Variants in CCZ1B observed in about 807,000 individuals in gnomAD.
The protein encoded by CCZ1B is CCZ1B vacuolar protein trafficking and biogenesis associated, also known as vacuolar fusion protein CCZ1 homolog B.
A neutral mutation model predicts 58.8 loss-of-function variants in CCZ1B; 25 were observed. The ratio of observed to expected loss-of-function variants is 0.43; its 90% confidence interval spans 0.31 to 0.59. CCZ1B has a LOEUF of 0.59. CCZ1B is among the 20% of genes least tolerant of loss of function. The pLI, the probability that CCZ1B is intolerant of heterozygous loss-of-function variation, is 0.12. For synonymous variants in CCZ1B, 66 were observed against 173.2 expected (o/e 0.38, Z 4.86); for missense variants, 180 against 501.5 (o/e 0.36, Z 6.12).
intron 8 of CCZ1B, among the ~76,000 whole-genome samples, chr7:6,814,309 G>A (rs946992922): frequency 2.7e-5 from 4 of 148,334 alleles, no homozygotes; most frequent in African/African-American, 1.0e-4. Flanking sequence ...GGCCAAGGTG[G>A]GCAGATCACA....
Position 6,811,961 on chromosome 7 carries a change from G to A in CCZ1B, c.945C>T (p.Ile315=), listed in dbSNP as rs375765168. The part of the protein sequence containing the change: ...TDDTYEELHL[I]VYKAMSAAVC... ...GGAAAACAGTTGTTACCTTATAAAC[G>A]ATTAAATGGAGCTCTTCATAAGTGT... The change falls in exon 10 of 15, where the codon ATC becomes ATT. Residue 315 remains isoleucine, a synonymous_variant. Coordinates refer to ENST00000316731, the MANE Select transcript of CCZ1B (RefSeq NM_198097.5). 3.9e-5 allele frequency: 62 copies of A among 1,578,532 alleles called. 2 individuals are homozygous for A. Among genetic ancestry groups the A allele is most frequent in the Non-Finnish European group, 4.6e-5 (53 of 1,161,996 alleles).
At chr7:6,821,659 G>T (rs1312951623) in intron 6 of CCZ1B, among the ~76,000 whole-genome samples, 3 of 151,698 alleles carry the variant, frequency 2.0e-5, no homozygotes, top group African/African-American at 7.3e-5. Flanking sequence ...AGGCCAAGGA[G>T]GGAAGATCGC....
intron 5 of CCZ1B, 97 bp downstream of exon 5, chr7:6,823,216 T>G: frequency 6.6e-7 from 1 of 1,510,672 alleles, no homozygotes; most frequent in East Asian, 2.3e-5. Context: ...ACAGAGTCAC[T>G]TTGCAGTCAT....
intron 7 of CCZ1B, among the ~76,000 whole-genome samples, chr7:6,818,365 A>G (rs1425465901): frequency 1.3e-5 from 2 of 149,530 alleles, no homozygotes; most frequent in Non-Finnish European, 3.0e-5. Flanking sequence ...CCTGGCCAAC[A>G]TGGTAAAACC....
chr7:6,808,267 A>T (rs1689060498), intron 10 of CCZ1B, among the ~76,000 whole-genome samples: 1 of 123,928 alleles, frequency 8.1e-6, no homozygotes, highest in African/African-American at 2.7e-5. Context: ...CACTCCACAG[A>T]CACAGCCACA....
At chr7:6,804,097 AC>A (rs1782801099) in intron 12 of CCZ1B, among the ~76,000 whole-genome samples, 1 of 151,092 alleles carries the variant, frequency 6.6e-6, no homozygotes, top group Admixed American at 6.7e-5. Context: ...CCATCGCCTC[AC>A]TTTCACTTTA....
intron 8 of CCZ1B, among the ~76,000 whole-genome samples, chr7:6,813,944 G>C (rs1156572675): frequency 2.0e-5 from 3 of 148,644 alleles, no homozygotes; most frequent in Non-Finnish European, 4.4e-5. Flanking sequence ...TCAGGAGTTC[G>C]AGACCAGCCT....
chr7:6,816,134 G>C (rs1272754171), intron 7 of CCZ1B, among the ~76,000 whole-genome samples: 3 of 147,502 alleles, frequency 2.0e-5, no homozygotes, highest in Non-Finnish European at 4.5e-5. Context: ...TTTTTAAAAG[G>C]AGACAGACAA....
rs1782975594 is a variant in CCZ1B at position 6,814,862 on chromosome 7, G to C, written c.699-17C>G. ...AATCCACTCCTGCAACAACAGAAAA[G>C]CACTGGGTTAAACGTTTCGAACTGT... is the stretch of plus-strand genomic sequence containing the variant. On this transcript the variant is annotated splice_polypyrimidine_tract_variant and intron_variant, in intron 7 of 14. Coordinates refer to ENST00000316731, the MANE Select transcript of CCZ1B (RefSeq NM_198097.5). 1 of 1,566,302 alleles carries C rather than the reference G, an allele frequency of 6.4e-7. No homozygotes were observed. Among genetic ancestry groups the C allele is most frequent in the Admixed American group, 1.7e-5 (1 of 57,622 alleles).
intron 9 of CCZ1B, chr7:6,812,407 T>C: frequency 3.1e-6 from 1 of 324,100 alleles, no homozygotes; most frequent in South Asian, 2.7e-5. Context: ...GGGAATTGCT[T>C]GAACCCAGGA....
At chr7:6,823,398 G>A (rs372059507) in intron 4 of CCZ1B, 38 bp from the exon 5 acceptor site, 34 of 1,604,364 alleles carry the variant, frequency 2.1e-5, no homozygotes, top group African/African-American at 4.1e-5. Flanking sequence ...CTCAGTTCAA[G>A]GGAAAAACAA....
chr7:6,823,515 C>CTTTT lies in CCZ1B; in HGVS notation c.391-159_391-156dup, dbSNP rs897480782. On this transcript the variant is annotated intron_variant, in intron 4 of 14. Transcript: ENST00000316731. ...CGTGCTGAAAAAAAGTGTTTGCGTT[C>CTTTT]TTTTTTTTTTTTTTTTTTTTTGAGA... 0.011 allele frequency among the ~76,000 whole-genome samples: 1,174 copies of CTTTT among 104,740 alleles called. 25 individuals carry two copies. In the East Asian group the frequency reaches 0.12, roughly 11 times the overall value. The allele number at this position is 104,740 out of a possible 152,430, so 68.7% of individuals were successfully genotyped here.
Position 6,812,066 on chromosome 7 carries a change from T to A in CCZ1B, c.843-3A>T, listed in dbSNP as rs776505736. On this transcript the variant is annotated splice_region_variant and splice_polypyrimidine_tract_variant and intron_variant, in intron 9 of 14. Transcript: ENST00000316731. ...GGTTCAAGGGTCCGGTAAGAAATCTTAAAAGCAAGAACAGACATGACTTGA... is the reference window on the plus strand; with the variant it reads ...GGTTCAAGGGTCCGGTAAGAAATCTAAAAAGCAAGAACAGACATGACTTGA... 2.3e-6 allele frequency: 3 copies of A among 1,313,148 alleles called. No homozygotes were observed. The South Asian group carries it at 3.6e-5, about 16-fold the overall frequency. The allele number at this position is 1,313,148 out of a possible 1,614,324, so 81.3% of individuals were successfully genotyped here.
At chr7:6,815,314 C>T (rs532992417) in intron 7 of CCZ1B, among the ~76,000 whole-genome samples, 8 of 148,518 alleles carry the variant, frequency 5.4e-5, no homozygotes, top group South Asian at 4.3e-4. Context: ...TACAGGCATG[C>T]GCCACCATCA....
At chr7:6,821,817 C>T (rs1196301108) in intron 6 of CCZ1B, among the ~76,000 whole-genome samples, 1 of 150,378 alleles carries the variant, frequency 6.6e-6, no homozygotes, top group Non-Finnish European at 1.5e-5. Flanking sequence ...AACAAATCTC[C>T]CCAATCGCTA....
intron 1 of CCZ1B, among the ~76,000 whole-genome samples, chr7:6,824,966 G>A (rs1281446063): frequency 2.0e-5 from 3 of 149,116 alleles, no homozygotes; most frequent in East Asian, 1.9e-4. Flanking sequence ...ACAGTGAGAC[G>A]TCTCTATTAT....
At chr7:6,819,330 G>C (rs886971419) in intron 7 of CCZ1B, among the ~76,000 whole-genome samples, 1 of 146,930 alleles carries the variant, frequency 6.8e-6, no homozygotes, top group African/African-American at 2.6e-5. Context: ...CCGCCTCCCG[G>C]GTTCAAGTGA....
chr7:6,804,045 G>C lies in CCZ1B; in HGVS notation c.1106+893C>G, dbSNP rs1038141464. 2.7e-5 allele frequency among the ~76,000 whole-genome samples: 4 copies of C among 150,206 alleles called. No homozygotes were observed. In the Admixed American group the frequency reaches 2.7e-4, roughly 10 times the overall value. On this transcript the variant is annotated intron_variant, in intron 12 of 14. Transcript: ENST00000316731. ...TTTAGTAACTTCTCAAATGTGTAGA[G>C]AGCCCATTTAAAAGCAGGACTTCAA...
chr7:6,816,097 T>C (rs1782995259), intron 7 of CCZ1B, among the ~76,000 whole-genome samples: 1 of 147,580 alleles, frequency 6.8e-6, no homozygotes, highest in South Asian at 2.2e-4. Context: ...ACAGAGAAAC[T>C]AGCAGGTATC....
Sources: gnomAD v4.1 joint callset for allele counts (sites outside exome capture counted in the v4.1 genomes callset) on GRCh38, gnomAD v4.1.1 for gene constraint, MANE v1.5 for transcripts, NCBI Gene and HGNC (gene_info 2026-07-23, HGNC 2026-07-21) for gene names.